Variants in MAGI1 observed in about 807,000 individuals in gnomAD.
MAGI1 encodes the protein membrane associated guanylate kinase, WW and PDZ domain containing 1, also known as membrane-associated guanylate kinase, WW and PDZ domain-containing protein 1.
In MAGI1, 58 loss-of-function variants were observed where a neutral mutation model predicts 139.9. The ratio of observed to expected loss-of-function variants is 0.41; its 90% CI spans 0.34 to 0.52. MAGI1 has a LOEUF of 0.52. Ranked by LOEUF, MAGI1 falls within the 20% of genes least tolerant of loss-of-function variation. MAGI1 has a pLI of 0.12. For missense variants in MAGI1, 1,874 were observed against 1,901.6 expected (o/e 0.99, Z 0.27); for synonymous variants, 812 against 737.9 (o/e 1.10, Z -1.63).
chr3:65,508,881 T>A (rs905644347), intron 2 of MAGI1, among the ~76,000 whole-genome samples: 1 of 152,218 alleles, frequency 6.6e-6, no homozygotes, highest in Non-Finnish European at 1.5e-5. Flanking sequence ...TTGTCATCCC[T>A]GTCAACAGCA....
intron 1 of MAGI1, among the ~76,000 whole-genome samples, chr3:65,778,289 G>A (rs1408980407): frequency 2.0e-5 from 3 of 151,986 alleles, no homozygotes; most frequent in Admixed American, 6.6e-5. Flanking sequence ...AATTAGCTGG[G>A]CATGGTGGCG....
At position 65,375,732 on chromosome 3, in the gene MAGI1, AGG is replaced by A; in HGVS notation, c.3196+11_3196+12del. The A allele has an allele frequency of 6.3e-7, 1 of 1,582,178 alleles. No homozygotes were observed. Among genetic ancestry groups the A allele is most frequent in the South Asian group, 1.1e-5 (1 of 90,384 alleles). ...AAAGAGAGAGAGAGAGAGAGATAAT[AGG>A]TATACTTTACCATCCCCAGGAATGA... On this transcript the variant is annotated intron_variant, in intron 18 of 22. Coordinates refer to ENST00000402939, the MANE Select transcript of MAGI1 (RefSeq NM_001033057.2).
intron 1 of MAGI1, among the ~76,000 whole-genome samples, chr3:65,848,151 C>G (rs914288489): frequency 6.6e-6 from 1 of 152,172 alleles, no homozygotes; most frequent in Middle Eastern, 3.2e-3. Flanking sequence ...AAGTCAGAAG[C>G]ATTCCACTTT....
At chr3:65,846,485 A>G (rs1034710553) in intron 1 of MAGI1, among the ~76,000 whole-genome samples, 3 of 152,188 alleles carry the variant, frequency 2.0e-5, no homozygotes, top group African/African-American at 4.8e-5. Context: ...CATGATCTAG[A>G]TCTTCCAGAG....
chr3:65,878,515 C>CAAA lies in MAGI1; in HGVS notation c.313+159478_313+159480dup, dbSNP rs35158287. 1.7e-3 allele frequency among the ~76,000 whole-genome samples: 138 copies of CAAA among 81,208 alleles called. 3 individuals are homozygous for CAAA. The highest frequency in any genetic ancestry group is 5.6e-3 in the African/African-American group (133 of 23,890). 53.3% of individuals were successfully genotyped at this position (81,208 alleles called of 152,430 possible). A position where few individuals can be genotyped will look rare whatever the true frequency, so the allele number is the denominator to read the frequency against. On this transcript the variant is annotated intron_variant, in intron 1 of 22. Transcript: ENST00000402939. ...TGGACAACAGAGCGAGACTCAGTCT[C>CAAA]AAAAAAAAAAAAAAAAAAGAACGCA... is the stretch of plus-strand genomic sequence containing the variant.
At chr3:65,553,010 G>T (rs2079918786) in intron 2 of MAGI1, among the ~76,000 whole-genome samples, 1 of 152,004 alleles carries the variant, frequency 6.6e-6, no homozygotes, top group Admixed American at 6.6e-5. Flanking sequence ...TACATCTAAG[G>T]GATGTTTAGT....
chr3:65,579,029 G>T lies in MAGI1; in HGVS notation c.430+42943C>A, dbSNP rs184931073. ...ATTTTTTTGCGGGGGAGGGGTGGGG[G>T]TCACTAATACAAAACATAGACTTGG... is the stretch of plus-strand genomic sequence containing the variant. On this transcript the variant is annotated intron_variant, in intron 2 of 22. Transcript: ENST00000402939. Among the ~76,000 whole-genome samples, 52 of 152,018 alleles carry T rather than the reference G, an allele frequency of 3.4e-4. No individual in the cohort carries two copies. In the East Asian group the frequency reaches 8.7e-3, roughly 26 times the overall value.
chr3:65,786,180 T>C (rs964865748), intron 1 of MAGI1, among the ~76,000 whole-genome samples: 10 of 151,772 alleles, frequency 6.6e-5, no homozygotes, highest in African/African-American at 2.4e-4. Flanking sequence ...GGTCTCGAAC[T>C]TCTAACCTCA....
intron 1 of MAGI1, among the ~76,000 whole-genome samples, chr3:65,655,032 CT>C (rs2085793951): frequency 1.3e-5 from 2 of 152,208 alleles, no homozygotes; most frequent in African/African-American, 4.8e-5. Flanking sequence ...AAGGTGAATA[CT>C]GGCTCCAGCC....
chr3:65,580,144 G>GA (rs1321426919), intron 2 of MAGI1, among the ~76,000 whole-genome samples: 1 of 151,732 alleles, frequency 6.6e-6, no homozygotes, highest in Non-Finnish European at 1.5e-5. Flanking sequence ...GAAAACATAG[G>GA]AAAAAAATTT....
chr3:65,672,785 C>A (rs1486678898), intron 1 of MAGI1, among the ~76,000 whole-genome samples: 1 of 152,164 alleles, frequency 6.6e-6, no homozygotes, highest in African/African-American at 2.4e-5. Flanking sequence ...AAATTCATTC[C>A]TTTAAAGCAC....
chr3:65,536,622 G>T (rs958858738), intron 2 of MAGI1, among the ~76,000 whole-genome samples: 1 of 152,264 alleles, frequency 6.6e-6, no homozygotes, highest in African/African-American at 2.4e-5. Flanking sequence ...CTCCTGAGGT[G>T]CATGTGACCC....
At chr3:65,390,449 T>C (rs1943828084) in intron 14 of MAGI1, among the ~76,000 whole-genome samples, 1 of 152,224 alleles carries the variant, frequency 6.6e-6, no homozygotes, top group Admixed American at 6.5e-5. Flanking sequence ...TTTAGGAACT[T>C]TCATTGGTAA....
At chr3:65,526,162 G>T (rs1285453412) in intron 2 of MAGI1, among the ~76,000 whole-genome samples, 1 of 152,140 alleles carries the variant, frequency 6.6e-6, no homozygotes, top group African/African-American at 2.4e-5. Flanking sequence ...GTGGCGGCAG[G>T]GTGGGATATA....
chr3:65,816,623 G>A (rs904254296), intron 1 of MAGI1, among the ~76,000 whole-genome samples: 1 of 137,772 alleles, frequency 7.3e-6, no homozygotes, highest in African/African-American at 2.7e-5. Context: ...CAGATGCTCT[G>A]AGTAGCTAAC....
At chr3:65,399,986 T>C (rs1468975960) in intron 13 of MAGI1, among the ~76,000 whole-genome samples, 1 of 152,156 alleles carries the variant, frequency 6.6e-6, no homozygotes, top group Non-Finnish European at 1.5e-5. Context: ...AATAAGCCCA[T>C]GTATCAACAT....
chr3:65,463,021 T>G (rs1949922611), intron 5 of MAGI1, among the ~76,000 whole-genome samples: 1 of 152,214 alleles, frequency 6.6e-6, no homozygotes, highest in Non-Finnish European at 1.5e-5. Flanking sequence ...GTTTTTAGGC[T>G]GAGATGATGG....
intron 2 of MAGI1, among the ~76,000 whole-genome samples, chr3:65,593,168 C>CTT (rs141924664): frequency 6.6e-6 from 1 of 151,790 alleles, no homozygotes; most frequent in Non-Finnish European, 1.5e-5. Flanking sequence ...TGTTTACAGA[C>CTT]TTTTTTGGCT....
intron 2 of MAGI1, among the ~76,000 whole-genome samples, chr3:65,503,637 T>A (rs886548775): frequency 9.2e-5 from 14 of 152,186 alleles, no homozygotes; most frequent in African/African-American, 3.1e-4. Flanking sequence ...CCATCTTGCA[T>A]GGAAGAACAC....
Sources: allele counts gnomAD v4.1 joint callset (sites outside exome capture counted in the v4.1 genomes callset), GRCh38; gene constraint gnomAD v4.1.1; transcripts MANE v1.5; gene names NCBI Gene and HGNC (gene_info 2026-07-23, HGNC 2026-07-21).